The following RMI1 variants were observed in gnomAD, a reference collection of about 807,000 sequenced individuals.
The protein encoded by RMI1 is recQ-mediated genome instability protein 1.
Under a neutral mutation model 46.7 loss-of-function variants are expected in RMI1, and 36 were observed. That is an observed-to-expected ratio of 0.77 (90% CI 0.59 to 1.02). RMI1 has a LOEUF of 1.02. Ranked by LOEUF, RMI1 falls within the 50% of genes least tolerant of loss-of-function variation. The pLI, the probability that RMI1 is intolerant of heterozygous loss-of-function variation, is 0.00. For synonymous variants in RMI1, 250 were observed against 252.9 expected, an observed-to-expected ratio of 0.99 and a Z score of 0.11; for missense variants, 676 against 713.7, an observed-to-expected ratio of 0.95 and a Z score of 0.60.
chr9:83,986,988 T>A (rs1440983601), intron 1 of RMI1, among the ~76,000 whole-genome samples: 1 of 152,184 alleles, frequency 6.6e-6, no homozygotes, highest in Non-Finnish European at 1.5e-5. Flanking sequence ...TTATTTAAAT[T>A]TTACTGGAGG....
chr9:83,997,428 G>GA lies in RMI1; in HGVS notation c.-125-2270dup, dbSNP rs57493066. On this transcript the variant is annotated intron_variant, in intron 1 of 2. Transcript: ENST00000445877. ...GCCTGGCCCTTTTTTTCCCTTAATT[G>GA]AAAAAAAAAAAGAAAGAAATTATTT... 5.2e-3 allele frequency among the ~76,000 whole-genome samples: 726 copies of GA among 140,768 alleles called. 5 individuals carry two copies. Among genetic ancestry groups the GA allele is most frequent in the African/African-American group, 0.017 (673 of 38,656 alleles). The allele number at this position is 140,768 out of a possible 152,430, so 92.3% of individuals were successfully genotyped here.
intron 1 of RMI1, among the ~76,000 whole-genome samples, chr9:83,991,071 T>C (rs561073897): frequency 1.2e-4 from 19 of 152,326 alleles, no homozygotes; most frequent in African/African-American, 3.8e-4. Context: ...CCTCCCAAAG[T>C]GTTGGGAATA....
intron 1 of RMI1, among the ~76,000 whole-genome samples, chr9:83,998,109 A>G (rs1000711743): frequency 6.6e-6 from 1 of 152,144 alleles, no homozygotes; most frequent in Non-Finnish European, 1.5e-5. Context: ...GATAGGAAGT[A>G]TTTCCATTTG....
rs181938680 is a variant in RMI1 at position 83,981,980 on chromosome 9, A to G, written c.-126+1089A>G. ...AGAACATAATGTCCGGGATTGTGGA[A>G]TTTATAAAAGTTCTCTTTAAGTGAT... On this transcript the variant is annotated intron_variant, in intron 1 of 2. Coordinates refer to ENST00000445877, the MANE Select transcript of RMI1 (RefSeq NM_001358291.2). Among the ~76,000 whole-genome samples the G allele has an allele frequency of 1.3e-3, 195 of 152,344 alleles. 7 individuals are homozygous for G. Among genetic ancestry groups the G allele is most frequent in the Admixed American group, 0.012 (185 of 15,306 alleles).
Position 84,001,058 on chromosome 9 carries a change from G to A in RMI1, c.72G>A (p.Pro24=), listed in dbSNP as rs377686635. ...CTGCATGGCATGTTAAAGTACCTCCGATGTGGCTGGAAGCTTGTATTAACT... is the reference window on the plus strand; with the variant it reads ...CTGCATGGCATGTTAAAGTACCTCCAATGTGGCTGGAAGCTTGTATTAACT... ...LLAAWHVKVP[P]MWLEACINWI... is the part of the protein sequence containing the mutation. Residue 24 remains proline (P), a synonymous_variant, in exon 3 of 3, where the codon CCG becomes CCA. Coordinates refer to ENST00000445877, the MANE Select transcript of RMI1 (RefSeq NM_001358291.2). 1.1e-4 allele frequency: 185 copies of A among 1,613,986 alleles called. No individual in the cohort carries two copies. Among genetic ancestry groups the A allele is most frequent in the Middle Eastern group, 1.6e-4 (1 of 6,062 alleles).
intron 1 of RMI1, chr9:83,992,836 T>C (rs1029708603): frequency 2.0e-5 from 3 of 152,186 alleles, no homozygotes; most frequent in Non-Finnish European, 4.4e-5. Context: ...ATTCATGTCA[T>C]TGGCAAATAG....
chr9:83,990,903 G>A lies in RMI1; in HGVS notation c.-125-8806G>A, dbSNP rs1347671136. Among the ~76,000 whole-genome samples, 2 of 152,046 alleles carry A rather than the reference G, an allele frequency of 1.3e-5. 1 individual carries two copies. Among genetic ancestry groups the A allele is most frequent in the African/African-American group, 4.8e-5 (2 of 41,380 alleles). On this transcript the variant is annotated intron_variant, in intron 1 of 2. Transcript: ENST00000445877. The stretch of plus-strand genomic sequence containing the variant: ...GCTCACCACAACCCCCGCCTCCTGG[G>A]TTCAAGAAATTATCTTGCCTCAGCC...
intron 1 of RMI1, among the ~76,000 whole-genome samples, chr9:83,985,200 T>TA (rs1957472302): frequency 6.6e-6 from 1 of 152,256 alleles, no homozygotes; most frequent in South Asian, 2.1e-4. Context: ...AACATTTTAA[T>TA]AAGCTTCTCT....
In RMI1 at chr9:84,002,712, G is replaced by A; in HGVS notation, c.1726G>A (p.Glu576Lys). The change falls in exon 3 of 3, where the codon GAA becomes AAA. Residue 576 changes from glutamate to lysine, a missense_variant. Coordinates refer to ENST00000445877, the MANE Select transcript of RMI1 (RefSeq NM_001358291.2). ...KDPLQYQKFL[E>K]GLQKCQRDLI... ...TCCTCTTCAATACCAAAAGTTCCTG[G>A]AAGGGTTGCAGAAATGTCAAAGAGA... 2 of 1,613,886 alleles carry A rather than the reference G, an allele frequency of 1.2e-6. No homozygotes were observed. Among genetic ancestry groups the A allele is most frequent in the Non-Finnish European group, 1.7e-6 (2 of 1,179,904 alleles).
At chr9:83,984,566 T>A (rs535791172) in intron 1 of RMI1, among the ~76,000 whole-genome samples, 34 of 149,374 alleles carry the variant, frequency 2.3e-4, no homozygotes, top group Non-Finnish European at 4.4e-4. Flanking sequence ...AACATCTTTT[T>A]TTCTTTTCTT....
chr9:83,985,517 T>C (rs1224499534), intron 1 of RMI1, among the ~76,000 whole-genome samples: 1 of 152,234 alleles, frequency 6.6e-6, no homozygotes, highest in East Asian at 1.9e-4. Flanking sequence ...CAATGGAATT[T>C]TTTTCTTTGC....
At chr9:83,981,683 A>G (rs955320615) in intron 1 of RMI1, among the ~76,000 whole-genome samples, 1 of 152,252 alleles carries the variant, frequency 6.6e-6, no homozygotes, top group Non-Finnish European at 1.5e-5. Flanking sequence ...AAGGTGTCAT[A>G]ATCTGCACAT....
chr9:84,002,496 G>T lies in RMI1; in HGVS notation c.1510G>T (p.Glu504Ter), dbSNP rs1438577416. The T allele has an allele frequency of 2.5e-6, 4 of 1,613,866 alleles. No homozygotes were observed. The highest frequency in any genetic ancestry group is 3.4e-6 in the Non-Finnish European group (4 of 1,179,960). The change falls in exon 3 of 3, where the codon GAA (glutamate) becomes TAA (stop). Residue 504 changes from glutamate to a stop codon, truncating the protein, a stop_gained. Coordinates refer to ENST00000445877, the MANE Select transcript of RMI1 (RefSeq NM_001358291.2). LOFTEE classifies it high-confidence loss of function. The part of the protein sequence containing the change: ...LSVLMASKPK[E>*]VTTVKVKAFI... ...TGTTCTAATGGCCAGCAAACCAAAGGAAGTTACAACAGTGAAAGTGAAAGC... is the reference window on the plus strand; with the variant it reads ...TGTTCTAATGGCCAGCAAACCAAAGTAAGTTACAACAGTGAAAGTGAAAGC...
chr9:83,997,108 C>T (rs7024999), intron 1 of RMI1, among the ~76,000 whole-genome samples: 37,534 of 64,382 alleles, frequency 0.58, 12,404 homozygotes, highest in East Asian at 0.69. Context: ...ACACCCCCCC[C>T]TTTTTTTTTT....
rs189797558 is a variant in RMI1 at position 84,002,916 on chromosome 9, A to G, written c.*52A>G. The stretch of plus-strand genomic sequence containing the variant: ...TTAAAAACAACAAGGAAATATTTAG[A>G]ATTTGTTCACAATTTTACTTATGAT... On this transcript the variant is annotated 3_prime_UTR_variant, in exon 3 of 3. Coordinates refer to ENST00000445877, the MANE Select transcript of RMI1 (RefSeq NM_001358291.2). 3.5e-4 allele frequency: 393 copies of G among 1,120,108 alleles called. 1 individual carries two copies. The African/African-American group carries it at 5.5e-3, about 16-fold the overall frequency. 69.4% of individuals were successfully genotyped at this position (1,120,108 alleles called of 1,614,324 possible).
At position 84,003,040 on chromosome 9, in the gene RMI1, G is replaced by A; in HGVS notation, c.*176G>A. The A allele has an allele frequency of 2.7e-6, 1 of 374,508 alleles. No individual in the cohort carries two copies. The highest frequency in any genetic ancestry group is 4.7e-6 in the Non-Finnish European group (1 of 213,072). 23.2% of individuals were successfully genotyped at this position (374,508 alleles called of 1,614,324 possible). A position where few individuals can be genotyped will look rare whatever the true frequency, so the allele number is the denominator to read the frequency against. ...TTATATGTGGAGCTTTTGAAAATAA[G>A]TTAATCTTTTTTTTTTTTTTTTTAA... On this transcript the variant is annotated 3_prime_UTR_variant, in exon 3 of 3. Coordinates refer to ENST00000445877, the MANE Select transcript of RMI1 (RefSeq NM_001358291.2).
chr9:83,997,078 TA>T (rs1957665991), intron 1 of RMI1, among the ~76,000 whole-genome samples: 1 of 148,640 alleles, frequency 6.7e-6, no homozygotes, highest in Non-Finnish European at 1.5e-5. Flanking sequence ...TGGGTGGTTT[TA>T]AAGGTAGAGG....
intron 1 of RMI1, among the ~76,000 whole-genome samples, chr9:83,984,598 G>A (rs1026275280): frequency 6.6e-6 from 1 of 151,068 alleles, no homozygotes; most frequent in African/African-American, 2.4e-5. Flanking sequence ...TTTCGTTCTT[G>A]TTGCCCAGGC....
Position 84,001,350 on chromosome 9 carries a change from G to A in RMI1, c.364G>A (p.Val122Ile). The change falls in exon 3 of 3, where the codon GTA becomes ATA. Residue 122 changes from valine (V) to isoleucine (I), a missense_variant. Val to Ile is a conservative substitution (Grantham distance 29). Coordinates refer to ENST00000445877, the MANE Select transcript of RMI1 (RefSeq NM_001358291.2). ...TGATCTAGTTACAGCTGAAGCACAA[G>A]TAACCCCAAAACCTTGGGAAGCAAA... ...TNDLVTAEAQVTPKPWEAKPS... is the reference protein window; with the variant it reads ...TNDLVTAEAQITPKPWEAKPS... 2 of 1,614,138 alleles carry A rather than the reference G, an allele frequency of 1.2e-6. No homozygotes were observed. The highest frequency in any genetic ancestry group is 8.5e-7 in the Non-Finnish European group (1 of 1,180,002).
Sources: allele counts gnomAD v4.1 joint callset (sites outside exome capture counted in the v4.1 genomes callset), GRCh38; gene constraint gnomAD v4.1.1; transcripts MANE v1.5; gene names NCBI Gene and HGNC (gene_info 2026-07-23, HGNC 2026-07-21).